RCOR3: variants seen among roughly 807,000 people sequenced by gnomAD.
RCOR3 encodes the protein REST corepressor 3.
A neutral mutation model predicts 64.1 loss-of-function variants in RCOR3; 13 were observed. That is an observed-to-expected ratio of 0.20 (90% CI 0.13 to 0.32). The LOEUF is 0.32. Among genes scored for constraint, RCOR3 ranks in the 10% least tolerant of loss-of-function variants. RCOR3 has a pLI of 1.00. For missense variants in RCOR3, 489 were observed against 701.2 expected, an observed-to-expected ratio of 0.70 and a Z score of 3.42; for synonymous variants, 215 against 239.0, an observed-to-expected ratio of 0.90 and a Z score of 0.93.
chr1:211,314,472 G>A lies in RCOR3; in HGVS notation c.*704G>A, dbSNP rs1289333593. ...ATACAGTTTAGGGTCCTAGCGCAGA[G>A]TCCTTGTTTAAAGGTCATTGACTCA... On this transcript the variant is annotated 3_prime_UTR_variant, in exon 12 of 12. Transcript: ENST00000419091. 6.6e-6 allele frequency: 1 copy of A among 152,082 alleles called. No individual in the cohort carries two copies. Among genetic ancestry groups the A allele is most frequent in the Non-Finnish European group, 1.5e-5 (1 of 68,004 alleles). The allele number at this position is 152,082 out of a possible 1,614,324, so 9.4% of individuals were successfully genotyped here.
rs548926726 is a variant in RCOR3, at chr1:211,300,979, C to T, written c.1018-3104C>T. ...CCAACAGCTTCATCTGTGGTTTAAC[C>T]GAAAAACTAGTGGTCCACTCCAATG... On this transcript the variant is annotated intron_variant, in intron 9 of 11. Transcript: ENST00000419091. 1.8e-4 allele frequency among the ~76,000 whole-genome samples: 27 copies of T among 151,808 alleles called. 1 individual carries two copies. The highest frequency in any genetic ancestry group is 6.3e-4 in the African/African-American group (26 of 41,370).
intron 7 of RCOR3, among the ~76,000 whole-genome samples, chr1:211,287,937 T>C (rs1698749697): frequency 6.6e-6 from 1 of 151,984 alleles, no homozygotes; most frequent in African/African-American, 2.4e-5. Context: ...AGGCCGGGCG[T>C]GTTGGCTCAT....
Position 211,304,110 on chromosome 1 carries a change from A to T in RCOR3, c.1045A>T (p.Thr349Ser). 6.2e-7 allele frequency: 1 copy of T among 1,605,700 alleles called. No homozygotes were observed. Among genetic ancestry groups the T allele is most frequent in the Non-Finnish European group, 8.5e-7 (1 of 1,177,076 alleles). Residue 349 changes from threonine (T) to serine (S), a missense_variant, in exon 10 of 12, where the codon ACC becomes TCC. By Grantham distance (58) the Thr-to-Ser change is moderately conservative (BLOSUM62 1). Around this residue, in one of 2 missense-constraint regions of RCOR3, gnomAD observed 402 missense variants for 617.0 expected, o/e 0.65. Coordinates refer to ENST00000419091, the MANE Select transcript of RCOR3 (RefSeq NM_001136223.3). ...ESNQKINARWTTEEQLLAVQG... is the reference protein window; with the variant it reads ...ESNQKINARWSTEEQLLAVQG... ...AAATCAGAAAATTAATGCCCGTTGG[A>T]CCACAGAGGAGCAGCTTCTAGCAGT...
chr1:211,298,162 T>A (rs1460967531), intron 9 of RCOR3, among the ~76,000 whole-genome samples: 3 of 151,446 alleles, frequency 2.0e-5, no homozygotes, highest in Non-Finnish European at 4.4e-5. Context: ...ACCTGCTTTT[T>A]AAAAAAAAAG....
At chr1:211,298,931 C>G (rs895411404) in intron 9 of RCOR3, among the ~76,000 whole-genome samples, 9 of 151,744 alleles carry the variant, frequency 5.9e-5, no homozygotes, top group Non-Finnish European at 1.3e-4. Flanking sequence ...GGCGTGAACC[C>G]GGGAAGTGGA....
At chr1:211,295,066 T>TTTTAG (rs1553259603) in intron 8 of RCOR3, among the ~76,000 whole-genome samples, 1 of 113,316 alleles carries the variant, frequency 8.8e-6, no homozygotes, top group East Asian at 2.6e-4. Context: ...TTTTTTTTTT[T>TTTTAG]TCATAGAGAC....
At chr1:211,291,543 G>A (rs1259827870) in intron 8 of RCOR3, 2 of 456,146 alleles carry the variant, frequency 4.4e-6, no homozygotes, top group Non-Finnish European at 8.8e-6. Flanking sequence ...TCCACTGGGA[G>A]TTTTGGACTG....
chr1:211,307,515 A>AT (rs2102657858), intron 10 of RCOR3, among the ~76,000 whole-genome samples: 1 of 152,300 alleles, frequency 6.6e-6, no homozygotes, highest in Non-Finnish European at 1.5e-5. Context: ...TTAAAAAGGA[A>AT]TTTAAAAGAA....
chr1:211,285,639 G>A (rs995450549), intron 7 of RCOR3, among the ~76,000 whole-genome samples: 1 of 152,224 alleles, frequency 6.6e-6, no homozygotes, highest in Non-Finnish European at 1.5e-5. Context: ...CAAGCCCAGA[G>A]TATGGAATTT....
intron 6 of RCOR3, 59 bp downstream of exon 6, chr1:211,278,300 ATTTC>A: frequency 6.4e-7 from 1 of 1,558,904 alleles, no homozygotes; most frequent in South Asian, 1.2e-5. Flanking sequence ...TATTGCTTAC[ATTTC>A]CTAAGGCAGA....
chr1:211,297,449 G>A (rs532651115), intron 9 of RCOR3, among the ~76,000 whole-genome samples: 1 of 152,166 alleles, frequency 6.6e-6, no homozygotes, highest in East Asian at 1.9e-4. Flanking sequence ...AGTCCTGATT[G>A]GACTTCTATA....
chr1:211,313,603 C>T lies in RCOR3; in HGVS notation c.1497C>T (p.Phe499=). Residue 499 remains phenylalanine, a synonymous_variant, in exon 12 of 12, where the codon TTC becomes TTT. Transcript: ENST00000419091. This position sits in a 1 kb window ranked among gnomAD's most constrained non-coding sequence, Gnocchi z 4.7. ...CTCCACTCCAGCAGCAGGCTCGGTT[C>T]ATCCAGCCCCGGCCAACTTTAAATC... is the stretch of plus-strand genomic sequence containing the variant. ...QPPPLQQQAR[F]IQPRPTLNQP... 1 of 1,614,148 alleles carries T rather than the reference C, an allele frequency of 6.2e-7. No homozygotes were observed. Among genetic ancestry groups the T allele is most frequent in the Admixed American group, 1.7e-5 (1 of 60,014 alleles).
intron 10 of RCOR3, among the ~76,000 whole-genome samples, chr1:211,307,883 CAG>C (rs906638704): frequency 2.0e-5 from 3 of 151,848 alleles, no homozygotes; most frequent in East Asian, 3.9e-4. Flanking sequence ...TAATATAAAA[CAG>C]AAAATGACAG....
At chr1:211,301,902 ATGAAT>A (rs1700420310) in intron 9 of RCOR3, 1 of 152,224 alleles carries the variant, frequency 6.6e-6, no homozygotes, top group African/African-American at 2.4e-5. Context: ...TTTAATAAAC[ATGAAT>A]TGATCAACTT....
rs1281467352 is a variant in RCOR3, at chr1:211,259,525, C to T, written c.-36C>T. 3.3e-6 allele frequency: 5 copies of T among 1,535,440 alleles called. No homozygotes were observed. The highest frequency in any genetic ancestry group is 4.0e-5 in the Admixed American group (2 of 49,772). On this transcript the variant is annotated 5_prime_UTR_variant, in exon 1 of 12. Transcript: ENST00000419091. Reference sequence around the variant, plus strand: ...TCTCCGCCTTCACCCTGACGCCTGCCTCTTCCCCTCACCTTTCCCCCTCCC... The same window carrying T: ...TCTCCGCCTTCACCCTGACGCCTGCTTCTTCCCCTCACCTTTCCCCCTCCC...
In RCOR3 at chr1:211,311,770, A is replaced by G. The variant is rs547277529; in HGVS notation, c.1076-950A>G. On this transcript the variant is annotated intron_variant, in intron 10 of 11. Transcript: ENST00000419091. ...TTCAGCAACTTTTCTATTTTGAGCT[A>G]AGTGCATCTCCTTCTAGAATGAGTC... Among the ~76,000 whole-genome samples, 37 of 152,288 alleles carry G rather than the reference A, an allele frequency of 2.4e-4. 1 individual carries two copies. The South Asian group carries it at 7.7e-3, about 32-fold the overall frequency.
In RCOR3 at chr1:211,300,387, C is replaced by G. The variant is rs549292874; in HGVS notation, c.1018-3696C>G. 7.2e-5 allele frequency among the ~76,000 whole-genome samples: 11 copies of G among 152,174 alleles called. No homozygotes were observed. In the East Asian group the frequency reaches 2.1e-3, roughly 29 times the overall value. On this transcript the variant is annotated intron_variant, in intron 9 of 11. Coordinates refer to ENST00000419091, the MANE Select transcript of RCOR3 (RefSeq NM_001136223.3). ...GTTCAGCCCCTTCTGCATTTTTCCA[C>G]GGAGCTGCCTCTTATAAAGGTTAGC...
At chr1:211,292,074 G>GA (rs923056747) in intron 8 of RCOR3, among the ~76,000 whole-genome samples, 13 of 150,216 alleles carry the variant, frequency 8.7e-5, no homozygotes, top group East Asian at 1.9e-4. Flanking sequence ...GTTTACAGTA[G>GA]AAAAAAAAAA....
chr1:211,302,503 T>C (rs1458265327), intron 9 of RCOR3: 1 of 152,208 alleles, frequency 6.6e-6, no homozygotes, highest in Non-Finnish European at 1.5e-5. Context: ...CATTTTATGA[T>C]CATGTAAATT....
Sources: gnomAD v4.1 joint callset for allele counts (sites outside exome capture counted in the v4.1 genomes callset) on GRCh38, gnomAD v4.1.1 for gene constraint, gnomAD v4.1.1 regional missense constraint, Gnocchi (gnomAD v3.1) non-coding constraint, MANE v1.5 for transcripts, NCBI Gene and HGNC (gene_info 2026-07-23, HGNC 2026-07-21) for gene names.